ADCY2: variants seen among roughly 807,000 people sequenced by gnomAD.
ADCY2 encodes the protein adenylate cyclase 2.
A neutral mutation model predicts 125.2 loss-of-function variants in ADCY2; 31 were observed. That is an observed-to-expected ratio of 0.25 (90% confidence interval 0.19 to 0.33). The LOEUF is 0.33. Among genes scored for constraint, ADCY2 ranks in the 10% least tolerant of loss-of-function variants. The pLI is 1.00. For synonymous variants in ADCY2, 512 were observed against 548.4 expected (o/e 0.93, Z 0.93); for missense variants, 904 against 1,418.2 (o/e 0.64, Z 5.82).
At position 7,396,401 on chromosome 5, in the gene ADCY2, G is replaced by A; in HGVS notation, c.105G>A (p.Glu35=). 1 of 1,574,964 alleles carries A rather than the reference G, an allele frequency of 6.3e-7. No individual in the cohort carries two copies. Among genetic ancestry groups the A allele is most frequent in the East Asian group, 2.5e-5 (1 of 40,398 alleles). ...GLPRSRDWLY[E]SYYCMSQQHP... is the part of the protein sequence containing the mutation. ...CGCGGTCCCGGGACTGGCTCTACGA[G>A]TCCTACTACTGCATGAGCCAGCAGC... Residue 35 remains glutamate, a synonymous_variant, in exon 1 of 25, where the codon GAG becomes GAA. Coordinates refer to ENST00000338316, the MANE Select transcript of ADCY2 (RefSeq NM_020546.3). The surrounding 1 kb of genome is among the most constrained non-coding windows in gnomAD (Gnocchi z 5.7).
chr5:7,532,263 T>A (rs1734673496), intron 3 of ADCY2, among the ~76,000 whole-genome samples: 1 of 152,198 alleles, frequency 6.6e-6, no homozygotes, highest in South Asian at 2.1e-4. Context: ...AGGTGATATG[T>A]TCACATTAAA....
At chr5:7,489,915 C>T (rs1481879644) in intron 2 of ADCY2, among the ~76,000 whole-genome samples, 3 of 152,114 alleles carry the variant, frequency 2.0e-5, no homozygotes, top group Non-Finnish European at 2.9e-5. Flanking sequence ...GATGTGGAGA[C>T]TTGAGCTGCG....
At chr5:7,809,248 A>G (rs149843822) in intron 22 of ADCY2, among the ~76,000 whole-genome samples, 2 of 152,308 alleles carry the variant, frequency 1.3e-5, no homozygotes, top group African/African-American at 4.8e-5. Context: ...ATGGAGGGAA[A>G]TTCTCTCAGT....
At chr5:7,548,322 T>C (rs1479126879) in intron 3 of ADCY2, among the ~76,000 whole-genome samples, 2 of 151,880 alleles carry the variant, frequency 1.3e-5, no homozygotes, top group African/African-American at 2.4e-5. Flanking sequence ...TATATTACTA[T>C]AGTATAGATA....
chr5:7,763,333 C>T (rs2126469160), intron 16 of ADCY2, among the ~76,000 whole-genome samples: 1 of 152,016 alleles, frequency 6.6e-6, no homozygotes, highest in African/African-American at 2.4e-5. Flanking sequence ...CCTCGTGATC[C>T]ACCCACCTCG....
chr5:7,595,807 C>G (rs1579612275), intron 3 of ADCY2, among the ~76,000 whole-genome samples: 1 of 152,062 alleles, frequency 6.6e-6, no homozygotes, highest in East Asian at 1.9e-4. Flanking sequence ...ATATCGAATA[C>G]AATGTAAATG....
At chr5:7,731,889 C>T (rs1355300160) in intron 14 of ADCY2, among the ~76,000 whole-genome samples, 2 of 152,194 alleles carry the variant, frequency 1.3e-5, no homozygotes, top group African/African-American at 2.4e-5. Context: ...AGGTGTGAGC[C>T]ACTATGCCTG....
intron 16 of ADCY2, 29 bp downstream of exon 16, chr5:7,757,615 C>T: frequency 6.2e-7 from 1 of 1,605,112 alleles, no homozygotes; most frequent in African/African-American, 1.3e-5. Context: ...CCGTGTTCAA[C>T]ATGGTAAGCC....
intron 3 of ADCY2, among the ~76,000 whole-genome samples, chr5:7,573,086 C>A (rs1256449214): frequency 6.6e-6 from 1 of 152,118 alleles, no homozygotes; most frequent in Non-Finnish European, 1.5e-5. Flanking sequence ...CATCTACAAT[C>A]CAAGGAGAGA....
chr5:7,693,290 T>A (rs1465471791), intron 5 of ADCY2, among the ~76,000 whole-genome samples: 1 of 152,070 alleles, frequency 6.6e-6, no homozygotes, highest in East Asian at 1.9e-4. Context: ...CTTTCTAAAG[T>A]GGCAATATGG....
intron 24 of ADCY2, among the ~76,000 whole-genome samples, chr5:7,820,937 C>T (rs1335627907): frequency 2.0e-5 from 3 of 152,158 alleles, no homozygotes; most frequent in Non-Finnish European, 2.9e-5. Flanking sequence ...CAGCAGCAAC[C>T]AGCATGATGG....
intron 12 of ADCY2, among the ~76,000 whole-genome samples, chr5:7,722,441 T>C (rs1360562540): frequency 6.6e-6 from 1 of 152,170 alleles, no homozygotes; most frequent in Non-Finnish European, 1.5e-5. Flanking sequence ...CTGCATATAT[T>C]ATTCATAGTT....
At chr5:7,710,683 G>A (rs552972874) in intron 10 of ADCY2, among the ~76,000 whole-genome samples, 3 of 152,284 alleles carry the variant, frequency 2.0e-5, no homozygotes, top group East Asian at 3.9e-4. Flanking sequence ...GATGCACCAC[G>A]GTAAATTTTA....
chr5:7,412,074 C>CAAAA (rs35911952), intron 1 of ADCY2, among the ~76,000 whole-genome samples: 13 of 137,952 alleles, frequency 9.4e-5, no homozygotes, highest in African/African-American at 3.2e-4. Context: ...GACTCCGTCT[C>CAAAA]AAAAAAAAAA....
intron 14 of ADCY2, among the ~76,000 whole-genome samples, chr5:7,730,696 A>G (rs1196685639): frequency 6.6e-6 from 1 of 152,224 alleles, no homozygotes; most frequent in African/African-American, 2.4e-5. Flanking sequence ...GCTCAGAATT[A>G]TGATGACATT....
At chr5:7,728,298 A>C (rs1189048800) in intron 14 of ADCY2, among the ~76,000 whole-genome samples, 1 of 152,168 alleles carries the variant, frequency 6.6e-6, no homozygotes, top group Non-Finnish European at 1.5e-5. Context: ...CACTGAGCCA[A>C]ATAGCCAAAA....
chr5:7,791,628 A>G lies in ADCY2; in HGVS notation c.2628+1828A>G, dbSNP rs1027462029. Among the ~76,000 whole-genome samples the G allele has an allele frequency of 7.9e-5, 12 of 152,180 alleles. No homozygotes were observed. The East Asian group carries it at 2.1e-3, about 27-fold the overall frequency. On this transcript the variant is annotated intron_variant, in intron 20 of 24. Transcript: ENST00000338316. ...GGGTTCTTCAGCACCTGATTTTCCT[A>G]TTGATCACAGGTAATAAAATTACAA...
chr5:7,725,896 TC>T (rs1741915283), intron 13 of ADCY2, among the ~76,000 whole-genome samples: 1 of 152,144 alleles, frequency 6.6e-6, no homozygotes, highest in Non-Finnish European at 1.5e-5. Context: ...AGCTTTACAT[TC>T]CCCATGTACA....
chr5:7,445,353 C>T (rs1741202598), intron 2 of ADCY2, among the ~76,000 whole-genome samples: 1 of 152,228 alleles, frequency 6.6e-6, no homozygotes, highest in Admixed American at 6.5e-5. Context: ...TGTGCTTCAT[C>T]TCCACTTGCA....
Sources: allele counts gnomAD v4.1 joint callset (sites outside exome capture counted in the v4.1 genomes callset), GRCh38; gene constraint gnomAD v4.1.1; non-coding constraint Gnocchi (gnomAD v3.1); transcripts MANE v1.5; gene names NCBI Gene and HGNC (gene_info 2026-07-23, HGNC 2026-07-21).